The following C9orf153 variants were observed in gnomAD, a reference collection of about 807,000 sequenced individuals.
C9orf153 encodes uncharacterized protein C9orf153.
Under a neutral mutation model 9.0 loss-of-function variants are expected in C9orf153, and 10 were observed. The ratio of observed to expected loss-of-function variants is 1.11; its 90% CI spans 0.69 to 1.89. The LOEUF is 1.89. Ranked by LOEUF, C9orf153 falls within the 40% of genes most tolerant of loss-of-function variation. The probability of loss-of-function intolerance (pLI) is 0.00; values close to 1 mark genes in which losing one functional copy is unlikely to be tolerated. For missense variants in C9orf153, 108 were observed against 111.0 expected, an observed-to-expected ratio of 0.97 and a Z score of 0.12; for synonymous variants, 35 against 37.3, an observed-to-expected ratio of 0.94 and a Z score of 0.23.
chr9:86,241,282 A>T (rs1174163586), intron 1 of C9orf153, among the ~76,000 whole-genome samples: 1 of 152,144 alleles, frequency 6.6e-6, no homozygotes, highest in Non-Finnish European at 1.5e-5. Flanking sequence ...CTGCCTGGGC[A>T]CAAGCCAGAG....
chr9:86,239,838 C>A (rs1824692600), intron 1 of C9orf153, among the ~76,000 whole-genome samples: 1 of 152,066 alleles, frequency 6.6e-6, no homozygotes, highest in South Asian at 2.1e-4. Flanking sequence ...TTGTGATCTG[C>A]TTGAAGGAAA....
At chr9:86,239,025 G>A (rs1479057294) in intron 1 of C9orf153, among the ~76,000 whole-genome samples, 1 of 151,440 alleles carries the variant, frequency 6.6e-6, no homozygotes, top group Non-Finnish European at 1.5e-5. Flanking sequence ...ACTTTGGGAG[G>A]CCGAGGAGGG....
At chr9:86,236,594 A>T (rs982913242) in intron 1 of C9orf153, among the ~76,000 whole-genome samples, 2 of 151,342 alleles carry the variant, frequency 1.3e-5, no homozygotes, top group Non-Finnish European at 2.9e-5. Context: ...GTGCTTTCTC[A>T]GGAAAACAAA....
At chr9:86,236,022 G>T (rs548650968) in intron 1 of C9orf153, among the ~76,000 whole-genome samples, 1 of 151,992 alleles carries the variant, frequency 6.6e-6, no homozygotes, top group East Asian at 1.9e-4. Flanking sequence ...CTTCACATAG[G>T]TATATCATAT....
At chr9:86,232,469 G>C (rs1824493002) in intron 1 of C9orf153, among the ~76,000 whole-genome samples, 1 of 152,178 alleles carries the variant, frequency 6.6e-6, no homozygotes, top group Non-Finnish European at 1.5e-5. Context: ...TGTGAGTAAA[G>C]TGAAGCTTTT....
In C9orf153 at chr9:86,229,492, G is replaced by C. The variant is rs1428411171; in HGVS notation, c.66+46C>G. ...GTTTGAATGTTTATGATTCTTGAAT[G>C]TAAAGCTCCCTGTGTACACCTCGTT... On this transcript the variant is annotated intron_variant, in intron 2 of 3. Transcript: ENST00000339137. 9 of 1,310,564 alleles carry C rather than the reference G, an allele frequency of 6.9e-6. No homozygotes were observed. In the African/African-American group the frequency reaches 7.3e-5, roughly 11 times the overall value. The allele number at this position is 1,310,564 out of a possible 1,614,324, so 81.2% of individuals were successfully genotyped here.
In C9orf153 at chr9:86,240,398, A is replaced by G. The variant is rs570468581; in HGVS notation, c.-26-10769T>C. Reference sequence around the variant, plus strand: ...TTTCCTTTTTTTTTTTTTTTTGGCAATAGAGTCTTGCTCTGTCACCCAGGC... The same window carrying G: ...TTTCCTTTTTTTTTTTTTTTTGGCAGTAGAGTCTTGCTCTGTCACCCAGGC... On this transcript the variant is annotated intron_variant, in intron 1 of 3. Coordinates refer to ENST00000339137, the MANE Select transcript of C9orf153 (RefSeq NM_001276366.4). Among the ~76,000 whole-genome samples, 11 of 147,320 alleles carry G rather than the reference A, an allele frequency of 7.5e-5. No individual in the cohort carries two copies. The East Asian group carries it at 2.2e-3, about 29-fold the overall frequency.
intron 3 of C9orf153, among the ~76,000 whole-genome samples, chr9:86,222,831 A>T (rs1390872716): frequency 6.6e-6 from 1 of 152,136 alleles, no homozygotes; most frequent in Non-Finnish European, 1.5e-5. Context: ...CTGGTGGGTG[A>T]CCTTACTGTC....
At chr9:86,255,982 C>T (rs1254927640) in intron 1 of C9orf153, among the ~76,000 whole-genome samples, 1 of 152,112 alleles carries the variant, frequency 6.6e-6, no homozygotes, top group Non-Finnish European at 1.5e-5. Context: ...GCACTTCTTA[C>T]CCACTTTCAC....
intron 1 of C9orf153, among the ~76,000 whole-genome samples, chr9:86,255,903 T>C (rs546943669): frequency 6.6e-6 from 1 of 152,328 alleles, no homozygotes; most frequent in East Asian, 1.9e-4. Context: ...AGGTCTTATA[T>C]TTTGCTCAGG....
chr9:86,245,738 C>T (rs1427900308), intron 1 of C9orf153, among the ~76,000 whole-genome samples: 3 of 151,938 alleles, frequency 2.0e-5, no homozygotes, highest in African/African-American at 7.3e-5. Context: ...TTTACTGGCC[C>T]GCAAATCACT....
chr9:86,255,689 C>T (rs970935697), intron 1 of C9orf153, among the ~76,000 whole-genome samples: 2 of 152,172 alleles, frequency 1.3e-5, no homozygotes, highest in African/African-American at 4.8e-5. Flanking sequence ...GGTATGTAAG[C>T]TTCTGTAACC....
In C9orf153 at chr9:86,221,520, C is replaced by G; in HGVS notation, c.*168G>C. 7.3e-7 allele frequency: 1 copy of G among 1,370,128 alleles called. No individual in the cohort carries two copies. Among genetic ancestry groups the G allele is most frequent in the Non-Finnish European group, 9.4e-7 (1 of 1,062,848 alleles). The allele number at this position is 1,370,128 out of a possible 1,614,324, so 84.9% of individuals were successfully genotyped here. A position where few individuals can be genotyped will look rare whatever the true frequency, so the allele number is the denominator to read the frequency against. On this transcript the variant is annotated 3_prime_UTR_variant, in exon 4 of 4. Transcript: ENST00000339137. ...CTACATATTCCATTTAAGAGAATAACTTCCTTCATTTTGATAATCAATTTG... is the reference window on the plus strand; with the variant it reads ...CTACATATTCCATTTAAGAGAATAAGTTCCTTCATTTTGATAATCAATTTG...
chr9:86,227,497 A>G (rs1182194992), intron 3 of C9orf153: 2 of 1,376,774 alleles, frequency 1.5e-6, no homozygotes, highest in Non-Finnish European at 1.9e-6. Context: ...ATTTGCAATG[A>G]GATTTCCATT....
chr9:86,237,957 T>A (rs1824637937), intron 1 of C9orf153, among the ~76,000 whole-genome samples: 1 of 152,060 alleles, frequency 6.6e-6, no homozygotes, highest in Admixed American at 6.6e-5. Context: ...GGCAGGCACC[T>A]GTAGTTAGTC....
chr9:86,254,090 C>CA (rs35119532), intron 1 of C9orf153, among the ~76,000 whole-genome samples: 1,224 of 108,118 alleles, frequency 0.011, 12 homozygotes, highest in African/African-American at 0.023. Flanking sequence ...GACTCCATTT[C>CA]AAAAAAAAAA....
chr9:86,244,965 C>T (rs113026999), intron 1 of C9orf153, among the ~76,000 whole-genome samples: 24 of 152,212 alleles, frequency 1.6e-4, no homozygotes, highest in South Asian at 1.5e-3. Context: ...TCACTCTTGT[C>T]GCCCAGGCTG....
chr9:86,242,529 G>A (rs1824772358), intron 1 of C9orf153, among the ~76,000 whole-genome samples: 2 of 152,142 alleles, frequency 1.3e-5, no homozygotes, highest in Admixed American at 6.5e-5. Context: ...AATTAAAAAT[G>A]CTGAATATGT....
rs771538453 is a variant in C9orf153 at position 86,229,642 on chromosome 9, A to G, written c.-26-13T>C. Reference sequence around the variant, plus strand: ...TATTCTCTAATTCCTAAAAAAAGCAATATGAGAAAAGACAAAAATCAAAGA... The same window carrying G: ...TATTCTCTAATTCCTAAAAAAAGCAGTATGAGAAAAGACAAAAATCAAAGA... On this transcript the variant is annotated splice_polypyrimidine_tract_variant and intron_variant, in intron 1 of 3. Transcript: ENST00000339137. 37 of 1,470,070 alleles carry G rather than the reference A, an allele frequency of 2.5e-5. No homozygotes were observed. The Middle Eastern group carries it at 5.2e-4, about 21-fold the overall frequency. 91.1% of individuals were successfully genotyped at this position (1,470,070 alleles called of 1,614,324 possible).
Sources: gnomAD v4.1 joint callset for allele counts (sites outside exome capture counted in the v4.1 genomes callset) on GRCh38, gnomAD v4.1.1 for gene constraint, MANE v1.5 for transcripts, NCBI Gene and HGNC (gene_info 2026-07-23, HGNC 2026-07-21) for gene names.